The following LRRTM3 variants were observed in gnomAD, a reference collection of about 807,000 sequenced individuals.
LRRTM3 encodes leucine-rich repeat transmembrane neuronal protein 3.
LRRTM3 carries 24 observed loss-of-function variants against 44.7 expected under a neutral mutation model. That is an observed-to-expected ratio of 0.54 (90% CI 0.39 to 0.76). The LOEUF is 0.76. LRRTM3 is among the 30% of genes least tolerant of loss of function. The pLI, the probability that LRRTM3 is intolerant of heterozygous loss-of-function variation, is 0.00. For synonymous variants in LRRTM3, 277 were observed against 278.7 expected, an observed-to-expected ratio of 0.99 and a Z score of 0.06; for missense variants, 587 against 702.2, an observed-to-expected ratio of 0.84 and a Z score of 1.85.
chr10:66,963,659 A>T (rs1167915517), intron 2 of LRRTM3, among the ~76,000 whole-genome samples: 1 of 152,010 alleles, frequency 6.6e-6, no homozygotes, highest in Non-Finnish European at 1.5e-5. Flanking sequence ...TTTCAGGGTA[A>T]GGTATAGAGG....
Position 67,022,940 on chromosome 10 carries a change from A to T in LRRTM3, c.1537-74647A>T, listed in dbSNP as rs183664576. ...GCAAGAGAGTAAGACTGTGTCTCAA[A>T]AAATAAATAAATAAATAAATAAACT... On this transcript the variant is annotated intron_variant, in intron 2 of 2. Coordinates refer to ENST00000361320, the MANE Select transcript of LRRTM3 (RefSeq NM_178011.5). 9.9e-4 allele frequency among the ~76,000 whole-genome samples: 151 copies of T among 152,248 alleles called. 1 individual carries two copies. Among genetic ancestry groups the T allele is most frequent in the African/African-American group, 3.1e-3 (130 of 41,552 alleles).
rs145022294 is a variant in LRRTM3 at position 67,012,813 on chromosome 10, C to G, written c.1536+84361C>G. Among the ~76,000 whole-genome samples the G allele has an allele frequency of 2.0e-5, 3 of 152,046 alleles. No individual in the cohort carries two copies. In the South Asian group the frequency reaches 6.3e-4, roughly 32 times the overall value. ...GTGTTTGTTAAAGTTTTATTAAAAGCGATCCTAGAAAATATAACTAGAGCT... is the reference window on the plus strand; with the variant it reads ...GTGTTTGTTAAAGTTTTATTAAAAGGGATCCTAGAAAATATAACTAGAGCT... On this transcript the variant is annotated intron_variant, in intron 2 of 2. Coordinates refer to ENST00000361320, the MANE Select transcript of LRRTM3 (RefSeq NM_178011.5).
intron 2 of LRRTM3, among the ~76,000 whole-genome samples, chr10:66,949,242 A>G (rs939890941): frequency 6.6e-6 from 1 of 152,188 alleles, no homozygotes; most frequent in Non-Finnish European, 1.5e-5. Flanking sequence ...AAATATTATG[A>G]TAAACATCCC....
intron 2 of LRRTM3, among the ~76,000 whole-genome samples, chr10:67,027,817 G>T (rs1047452861): frequency 1.3e-5 from 2 of 151,928 alleles, no homozygotes; most frequent in Non-Finnish European, 2.9e-5. Context: ...GAGTATATTC[G>T]TTTTTTCCTT....
At chr10:67,050,752 A>G (rs1480334351) in intron 2 of LRRTM3, among the ~76,000 whole-genome samples, 1 of 152,216 alleles carries the variant, frequency 6.6e-6, no homozygotes, top group Admixed American at 6.5e-5. Context: ...CAAATTATTT[A>G]CTTCGATTTG....
intron 2 of LRRTM3, among the ~76,000 whole-genome samples, chr10:67,034,263 C>T (rs1853907661): frequency 6.6e-6 from 1 of 152,156 alleles, no homozygotes; most frequent in African/African-American, 2.4e-5. Flanking sequence ...TCTGTGTAAT[C>T]ATTTGCCAAG....
At chr10:66,966,213 A>G (rs1589508898) in intron 2 of LRRTM3, among the ~76,000 whole-genome samples, 1 of 152,146 alleles carries the variant, frequency 6.6e-6, no homozygotes, top group Non-Finnish European at 1.5e-5. Context: ...ATAAACGAAA[A>G]CAATTTTCCC....
chr10:67,014,357 T>G (rs1852522967), intron 2 of LRRTM3, among the ~76,000 whole-genome samples: 2 of 152,180 alleles, frequency 1.3e-5, no homozygotes, highest in South Asian at 4.1e-4. Context: ...TATTTACAGC[T>G]TTAATTAACT....
At chr10:67,002,409 T>G (rs1004180681) in intron 2 of LRRTM3, among the ~76,000 whole-genome samples, 3 of 152,178 alleles carry the variant, frequency 2.0e-5, no homozygotes, top group Non-Finnish European at 4.4e-5. Flanking sequence ...GAGAAATGTT[T>G]TAATTTTTAA....
intron 2 of LRRTM3, among the ~76,000 whole-genome samples, chr10:66,998,119 C>A (rs149088359): frequency 6.6e-6 from 1 of 152,290 alleles, no homozygotes; most frequent in East Asian, 1.9e-4. Flanking sequence ...ATGCCATTCC[C>A]CTACATAAAT....
At chr10:67,009,427 G>A (rs1057494404) in intron 2 of LRRTM3, among the ~76,000 whole-genome samples, 5 of 151,696 alleles carry the variant, frequency 3.3e-5, no homozygotes, top group South Asian at 2.1e-4. Context: ...GAAAGCTTTC[G>A]TGTTTCTCTC....
chr10:66,950,405 T>C (rs1187012334), intron 2 of LRRTM3, among the ~76,000 whole-genome samples: 2 of 152,096 alleles, frequency 1.3e-5, no homozygotes, highest in African/African-American at 4.8e-5. Context: ...TTTTGAGATA[T>C]ACTATATGTT....
chr10:66,949,207 T>C (rs1403060638), intron 2 of LRRTM3, among the ~76,000 whole-genome samples: 1 of 152,166 alleles, frequency 6.6e-6, no homozygotes, highest in Non-Finnish European at 1.5e-5. Context: ...CAATAATAAA[T>C]TTACTGAGAA....
intron 2 of LRRTM3, among the ~76,000 whole-genome samples, chr10:66,976,904 T>A (rs976094372): frequency 6.6e-6 from 1 of 152,216 alleles, no homozygotes; most frequent in Non-Finnish European, 1.5e-5. Flanking sequence ...AAATAACTAC[T>A]TTGATGTGCT....
intron 2 of LRRTM3, among the ~76,000 whole-genome samples, chr10:67,033,242 C>G (rs1853841315): frequency 6.6e-6 from 1 of 152,178 alleles, no homozygotes; most frequent in South Asian, 2.1e-4. Flanking sequence ...GGCTTTCTCT[C>G]TGAGGCAAAG....
rs901644940 is a variant in LRRTM3, at chr10:67,062,973, G to T, written c.1537-34614G>T. On this transcript the variant is annotated intron_variant, in intron 2 of 2. Transcript: ENST00000361320. The stretch of plus-strand genomic sequence containing the variant: ...TCATATGCTGAGAGTTAATCGTTTT[G>T]TTTTTTTTTCTGATCGTTGTCTTTT... Among the ~76,000 whole-genome samples, 19 of 150,160 alleles carry T rather than the reference G, an allele frequency of 1.3e-4. No individual in the cohort carries two copies. In the East Asian group the frequency reaches 2.9e-3, roughly 23 times the overall value.
At chr10:67,047,378 G>T (rs577337939) in intron 2 of LRRTM3, among the ~76,000 whole-genome samples, 1 of 152,242 alleles carries the variant, frequency 6.6e-6, no homozygotes, top group South Asian at 2.1e-4. Flanking sequence ...GTTAACTCCA[G>T]AAGGAAAGAT....
intron 2 of LRRTM3, among the ~76,000 whole-genome samples, chr10:67,059,830 T>C (rs896801132): frequency 3.3e-5 from 5 of 152,206 alleles, no homozygotes; most frequent in Non-Finnish European, 5.9e-5. Context: ...TATTTGCATA[T>C]ATAATAGCAT....
intron 2 of LRRTM3, among the ~76,000 whole-genome samples, chr10:67,042,876 T>G (rs529151951): frequency 1.3e-5 from 2 of 152,236 alleles, no homozygotes; most frequent in South Asian, 4.1e-4. Flanking sequence ...TAAAGGGCAA[T>G]AGACCAGAGG....
Sources: allele counts gnomAD v4.1 joint callset (sites outside exome capture counted in the v4.1 genomes callset), GRCh38; gene constraint gnomAD v4.1.1; transcripts MANE v1.5; gene names NCBI Gene and HGNC (gene_info 2026-07-23, HGNC 2026-07-21).